ZNF503: variants seen among roughly 807,000 people sequenced by gnomAD.
ZNF503 encodes the protein zinc finger protein 503.
A neutral mutation model predicts 34.4 loss-of-function variants in ZNF503; 15 were observed. That is an observed-to-expected ratio of 0.44 (90% CI 0.29 to 0.67). The LOEUF is 0.67. ZNF503 is among the 30% of genes least tolerant of loss of function. ZNF503 has a pLI of 0.13. For missense variants in ZNF503, 1,007 were observed against 926.8 expected (o/e 1.09, Z -1.12); for synonymous variants, 580 against 456.8 (o/e 1.27, Z -3.44).
the ZNF503 span, among the ~76,000 whole-genome samples, chr10:75,320,381 T>C: frequency 6.6e-6 from 1 of 152,040 alleles, no homozygotes; most frequent in Admixed American, 6.6e-5. Context: ...CTCAGGAGGC[T>C]GAGACAGGAG....
the ZNF503 span, among the ~76,000 whole-genome samples, chr10:75,376,285 C>T: frequency 6.6e-6 from 1 of 152,174 alleles, no homozygotes; most frequent in Non-Finnish European, 1.5e-5. Flanking sequence ...CCTACACCTC[C>T]TTCCTTGCCC....
downstream of ZNF503, among the ~76,000 whole-genome samples, chr10:75,393,052 G>C (rs1038587864): frequency 6.6e-6 from 1 of 152,140 alleles, no homozygotes; most frequent in Non-Finnish European, 1.5e-5. Flanking sequence ...GCTTTATGCT[G>C]GTCTCACTCT....
At chr10:75,292,982 C>T in the ZNF503 span, among the ~76,000 whole-genome samples, 1 of 152,206 alleles carries the variant, frequency 6.6e-6, no homozygotes, top group Non-Finnish European at 1.5e-5. Flanking sequence ...CTCCACACCA[C>T]CTGTGGCTGA....
At chr10:75,321,008 G>A in the ZNF503 span, among the ~76,000 whole-genome samples, 1 of 152,112 alleles carries the variant, frequency 6.6e-6, no homozygotes, top group Admixed American at 6.6e-5. Flanking sequence ...GGGCCTGGTG[G>A]GAGGCAATTG....
chr10:75,383,902 G>A, the ZNF503 span, among the ~76,000 whole-genome samples: 1 of 152,228 alleles, frequency 6.6e-6, no homozygotes, highest in Non-Finnish European at 1.5e-5. Flanking sequence ...CAGCATGCCA[G>A]CTATTTGATC....
chr10:75,368,167 C>T, the ZNF503 span, among the ~76,000 whole-genome samples: 1 of 152,150 alleles, frequency 6.6e-6, no homozygotes, highest in African/African-American at 2.4e-5. Context: ...GCTCTGTGGT[C>T]TCCATGGTGC....
the ZNF503 span, among the ~76,000 whole-genome samples, chr10:75,376,006 C>T: frequency 1.6e-3 from 243 of 152,306 alleles, no homozygotes; most frequent in African/African-American, 5.5e-3. Flanking sequence ...CGTCACAAGG[C>T]AGATCAGAAG....
chr10:75,359,618 TATGTGGTTCCAA>T, the ZNF503 span, among the ~76,000 whole-genome samples: 1 of 152,210 alleles, frequency 6.6e-6, no homozygotes, highest in Non-Finnish European at 1.5e-5. Flanking sequence ...TCACTAAATC[TATGTGGTTCCAA>T]ATGTGGTTGA....
At chr10:75,287,170 G>C in the ZNF503 span, among the ~76,000 whole-genome samples, 2 of 152,232 alleles carry the variant, frequency 1.3e-5, no homozygotes, top group South Asian at 2.1e-4. Flanking sequence ...CCTAGCAGGA[G>C]GGGATCCTGG....
chr10:75,312,070 G>A, the ZNF503 span, among the ~76,000 whole-genome samples: 1 of 152,098 alleles, frequency 6.6e-6, no homozygotes, highest in African/African-American at 2.4e-5. Flanking sequence ...ATGGAAGCAT[G>A]TTTATCATGG....
the ZNF503 span, among the ~76,000 whole-genome samples, chr10:75,376,132 A>T: frequency 3.9e-5 from 6 of 152,152 alleles, no homozygotes; most frequent in Admixed American, 3.3e-4. Flanking sequence ...CTTGCTCTTA[A>T]GAAGTGCCAG....
chr10:75,363,635 AT>A, the ZNF503 span, among the ~76,000 whole-genome samples: 1 of 152,228 alleles, frequency 6.6e-6, no homozygotes, highest in Non-Finnish European at 1.5e-5. Flanking sequence ...AGGGGGCACT[AT>A]TCATTTCCAT....
chr10:75,298,106 A>G, the ZNF503 span, among the ~76,000 whole-genome samples: 1 of 152,208 alleles, frequency 6.6e-6, no homozygotes, highest in Non-Finnish European at 1.5e-5. Context: ...GTCAATTTTC[A>G]GTCAGTACTC....
At chr10:75,379,327 T>A in the ZNF503 span, among the ~76,000 whole-genome samples, 1 of 152,216 alleles carries the variant, frequency 6.6e-6, no homozygotes, top group Non-Finnish European at 1.5e-5. Flanking sequence ...GAATATGACA[T>A]GTGACCATTA....
the ZNF503 span, among the ~76,000 whole-genome samples, chr10:75,337,618 C>CAAA: frequency 8.1e-5 from 12 of 148,364 alleles, no homozygotes; most frequent in Non-Finnish European, 1.0e-4. Flanking sequence ...ACTCCGTCTC[C>CAAA]AAAAGAAAAA....
the ZNF503 span, among the ~76,000 whole-genome samples, chr10:75,378,905 G>C: frequency 1.3e-5 from 2 of 152,064 alleles, no homozygotes; most frequent in Non-Finnish European, 2.9e-5. Flanking sequence ...AGCAAAAGAA[G>C]CTGCAATTTC....
At position 75,399,831 on chromosome 10, in the gene ZNF503, C is replaced by T. The variant is rs1843759536; in HGVS notation, c.859G>A (p.Gly287Ser). Residue 287 changes from glycine (G) to serine (S), a missense_variant, in exon 2 of 2, where the codon GGC becomes AGC. Coordinates refer to ENST00000372524, the MANE Select transcript of ZNF503 (RefSeq NM_032772.6). The stretch of plus-strand genomic sequence containing the variant: ...TTCACATCCACATTAATCCCGCCGC[C>T]GCAGCTAATCCGGCCGTGTGCCAGC... ...TGLAHGRISC[G>S]GGINVDVNQH... is the part of the protein sequence containing the mutation. The T allele has an allele frequency of 1.9e-6, 3 of 1,604,762 alleles. No homozygotes were observed. Among genetic ancestry groups the T allele is most frequent in the African/African-American group, 1.3e-5 (1 of 74,884 alleles).
the ZNF503 span, chr10:75,359,106 T>C: frequency 6.6e-6 from 1 of 152,240 alleles, no homozygotes; most frequent in African/African-American, 2.4e-5. Context: ...CCCTAGCTCA[T>C]AAATCCTGCC....
downstream of ZNF503, chr10:75,397,806 A>G (rs1363527516): frequency 6.6e-6 from 1 of 152,628 alleles, no homozygotes; most frequent in East Asian, 1.9e-4. Flanking sequence ...TGCTCTCTTT[A>G]ACCAAAATAA....
Sources: gnomAD v4.1 joint callset for allele counts (sites outside exome capture counted in the v4.1 genomes callset) on GRCh38, gnomAD v4.1.1 for gene constraint, MANE v1.5 for transcripts, NCBI Gene and HGNC (gene_info 2026-07-23, HGNC 2026-07-21) for gene names.